The following TEX11 variants were observed in gnomAD, a reference collection of about 807,000 sequenced individuals.
TEX11 encodes testis expressed 11.
A neutral mutation model predicts 84.4 loss-of-function variants in TEX11; 7 were observed. The ratio of observed to expected loss-of-function variants is 0.08; its 90% CI spans 0.05 to 0.16. The LOEUF is 0.16. TEX11 is among the 10% of genes least tolerant of loss of function. The pLI is 1.00. For synonymous variants in TEX11, 264 were observed against 222.8 expected (o/e 1.18, Z -1.64); for missense variants, 551 against 660.5 (o/e 0.83, Z 1.82).
At chrX:70,690,054 C>A (rs934371188) in intron 13 of TEX11, among the ~76,000 whole-genome samples, 5 of 111,342 alleles carry the variant, frequency 4.5e-5, no homozygotes, top group African/African-American at 1.3e-4. Flanking sequence ...AGGTATCCTA[C>A]AAAATACTTG....
rs1271813332 is a variant in TEX11 at position 70,873,208 on chromosome X, A to G, written c.244+15T>C. The G allele has an allele frequency of 3.0e-6, 3 of 1,012,152 alleles. No homozygotes were observed. Among genetic ancestry groups the G allele is most frequent in the Non-Finnish European group, 2.8e-6 (2 of 716,100 alleles). The allele number at this position is 1,012,152 out of a possible 1,213,427, so 83.4% of individuals were successfully genotyped here. On this transcript the variant is annotated intron_variant, in intron 4 of 29. Transcript: ENST00000374333. ...GAACACGCCTCATAATACATGTCAC[A>G]ATATGTATACATACATCTAATTTTC...
chrX:70,856,488 A>G (rs2091537333), intron 5 of TEX11, among the ~76,000 whole-genome samples: 1 of 111,419 alleles, frequency 9.0e-6, no homozygotes, highest in South Asian at 3.8e-4. Context: ...CCCATGTACT[A>G]TAAATCATCT....
At chrX:70,635,529 T>C (rs2089561354) in intron 17 of TEX11, among the ~76,000 whole-genome samples, 1 of 111,986 alleles carries the variant, frequency 8.9e-6, no homozygotes, top group African/African-American at 3.2e-5. Flanking sequence ...CCCAGTGCCA[T>C]AGCAGTCCTA....
At chrX:70,887,846 T>G (rs1187101201) in intron 2 of TEX11, among the ~76,000 whole-genome samples, 1 of 112,195 alleles carries the variant, frequency 8.9e-6, no homozygotes, top group African/African-American at 3.2e-5. Context: ...GCCATGGGGA[T>G]GCTTCTGTCA....
intron 9 of TEX11, among the ~76,000 whole-genome samples, chrX:70,780,537 G>C (rs771325436): frequency 4.4e-4 from 49 of 112,052 alleles, no homozygotes; most frequent in Non-Finnish European, 7.9e-4. Context: ...GGGGTCTGAG[G>C]ACTTCCCTTT....
chrX:70,813,538 C>T (rs978935464), intron 8 of TEX11, among the ~76,000 whole-genome samples: 2 of 111,368 alleles, frequency 1.8e-5, no homozygotes, highest in Non-Finnish European at 3.8e-5. Flanking sequence ...AAAACTGGCA[C>T]AAGAGAGGGA....
intron 9 of TEX11, among the ~76,000 whole-genome samples, chrX:70,793,280 T>C (rs936575612): frequency 9.8e-5 from 11 of 111,691 alleles, no homozygotes; most frequent in Admixed American, 5.7e-4. Context: ...CCTTGAGAAC[T>C]GGAACAAACA....
At chrX:70,679,220 C>G (rs1450499687) in intron 14 of TEX11, among the ~76,000 whole-genome samples, 1 of 112,542 alleles carries the variant, frequency 8.9e-6, no homozygotes, top group Admixed American at 9.3e-5. Flanking sequence ...GGATTGCAGA[C>G]GGAGTCTCAT....
At chrX:70,831,242 T>A (rs913966299) in intron 8 of TEX11, among the ~76,000 whole-genome samples, 1 of 111,716 alleles carries the variant, frequency 9.0e-6, no homozygotes, top group Non-Finnish European at 1.9e-5. Context: ...CTCACTTATA[T>A]GTGGATTCTG....
chrX:70,879,886 G>A (rs1223105086), intron 3 of TEX11, 102 bp downstream of exon 3: 31 of 666,972 alleles, frequency 4.6e-5, no homozygotes, highest in African/African-American at 2.3e-4. Flanking sequence ...TATATGTTTA[G>A]CAATGGTTAA....
At chrX:70,852,400 G>T (rs2091513374) in intron 7 of TEX11, among the ~76,000 whole-genome samples, 1 of 111,625 alleles carries the variant, frequency 9.0e-6, no homozygotes, top group Admixed American at 9.6e-5. Context: ...ATGCTGCCCA[G>T]GTTGGTCACC....
intron 17 of TEX11, among the ~76,000 whole-genome samples, chrX:70,635,173 T>C (rs2089556514): frequency 8.9e-6 from 1 of 111,788 alleles, no homozygotes; most frequent in East Asian, 2.8e-4. Flanking sequence ...AAAAGATGCA[T>C]TGAAGAGTGT....
chrX:70,777,049 T>TA (rs1569437747), intron 9 of TEX11, among the ~76,000 whole-genome samples: 2 of 105,901 alleles, frequency 1.9e-5, no homozygotes, highest in African/African-American at 6.8e-5. Context: ...TTATTATTAT[T>TA]TTTTTTTTTG....
Position 70,610,497 on chromosome X carries a change from A to G in TEX11, c.1792+6T>C. The G allele has an allele frequency of 8.3e-7, 1 of 1,202,455 alleles. No individual in the cohort carries two copies. Among genetic ancestry groups the G allele is most frequent in the South Asian group, 1.8e-5 (1 of 55,557 alleles). ...AAGGACTGAATATAACCAGGGAGAT[A>G]TTTACCTCTATTCAGGCAAGTCAAA... On this transcript the variant is annotated splice_donor_region_variant and intron_variant, in intron 21 of 29. Transcript: ENST00000374333.
chrX:70,640,706 G>A (rs1158854242), intron 17 of TEX11, among the ~76,000 whole-genome samples: 2 of 108,808 alleles, frequency 1.8e-5, no homozygotes, highest in Admixed American at 9.9e-5. Context: ...ATACTTTACA[G>A]ACAAGCAAAT....
At chrX:70,869,892 G>A (rs1239485075) in intron 4 of TEX11, among the ~76,000 whole-genome samples, 2 of 112,107 alleles carry the variant, frequency 1.8e-5, no homozygotes, top group Non-Finnish European at 3.8e-5. Flanking sequence ...GCTGTTTATA[G>A]TTATCACCAA....
At chrX:70,781,666 A>G (rs1404953241) in intron 9 of TEX11, among the ~76,000 whole-genome samples, 3 of 112,172 alleles carry the variant, frequency 2.7e-5, no homozygotes, top group Admixed American at 1.9e-4. Flanking sequence ...ACTTCGTGAC[A>G]CATGTACAGG....
At chrX:70,908,146 C>T (rs777659440) in intron 1 of TEX11, among the ~76,000 whole-genome samples, 1 of 111,846 alleles carries the variant, frequency 8.9e-6, no homozygotes, top group South Asian at 3.8e-4. Flanking sequence ...CAATCACTCA[C>T]GGTCCTTTTT....
chrX:70,750,927 A>ATATATATATAT (rs1556039261), intron 9 of TEX11, among the ~76,000 whole-genome samples: 8 of 25,785 alleles, frequency 3.1e-4, no homozygotes, highest in African/African-American at 7.6e-4. Context: ...ATAATAAAAA[A>ATATATATATAT]AAAAAAATAT....
Sources: gnomAD v4.1 joint callset for allele counts (sites outside exome capture counted in the v4.1 genomes callset) on GRCh38, gnomAD v4.1.1 for gene constraint, MANE v1.5 for transcripts, NCBI Gene and HGNC (gene_info 2026-07-23, HGNC 2026-07-21) for gene names.